Variants in SRPK2 observed in about 807,000 individuals in gnomAD.
SRPK2 encodes the protein SRSF protein kinase 2.
Under a neutral mutation model 90.8 loss-of-function variants are expected in SRPK2, and 21 were observed. That is an observed-to-expected ratio of 0.23 (90% CI 0.16 to 0.33). The LOEUF is 0.33. Ranked by LOEUF, SRPK2 falls within the 10% of genes least tolerant of loss-of-function variation. The pLI, the probability that SRPK2 is intolerant of heterozygous loss-of-function variation, is 1.00. For synonymous variants in SRPK2, 288 were observed against 311.1 expected (o/e 0.93, Z 0.78); for missense variants, 620 against 869.0 (o/e 0.71, Z 3.60).
intron 2 of SRPK2, among the ~76,000 whole-genome samples, chr7:105,317,722 T>C (rs1407157008): frequency 6.6e-6 from 1 of 152,180 alleles, no homozygotes; most frequent in Non-Finnish European, 1.5e-5. Flanking sequence ...TTCAAAAATG[T>C]CCAACAATGT....
chr7:105,398,108 A>G (rs1021375577), intron 1 of SRPK2, among the ~76,000 whole-genome samples: 7 of 152,218 alleles, frequency 4.6e-5, no homozygotes, highest in Non-Finnish European at 8.8e-5. Flanking sequence ...TGGTCTCCAT[A>G]GCAGTCCAAA....
At chr7:105,319,772 A>G (rs1812730264) in intron 2 of SRPK2, among the ~76,000 whole-genome samples, 2 of 152,002 alleles carry the variant, frequency 1.3e-5, no homozygotes, top group Admixed American at 1.3e-4. Context: ...GAGTGTTCAA[A>G]CTGTGTTCAG....
intron 2 of SRPK2, among the ~76,000 whole-genome samples, chr7:105,225,179 AAAACAAACAAAC>A (rs140524692): frequency 4.0e-5 from 6 of 151,526 alleles, no homozygotes; most frequent in African/African-American, 9.7e-5. Context: ...CTCTCTCTTT[AAAACAAACAAAC>A]AAACAAACAA....
chr7:105,243,174 T>G (rs1202032161), intron 2 of SRPK2, among the ~76,000 whole-genome samples: 1 of 152,068 alleles, frequency 6.6e-6, no homozygotes, highest in Non-Finnish European at 1.5e-5. Context: ...CCTTTTTCTT[T>G]TATTATCTGG....
chr7:105,160,563 T>C lies in SRPK2; in HGVS notation c.565A>G (p.Ile189Val). The C allele has an allele frequency of 1.9e-6, 3 of 1,614,000 alleles. No individual in the cohort carries two copies. The highest frequency in any genetic ancestry group is 2.5e-6 in the Non-Finnish European group (3 of 1,179,842). The change falls in exon 7 of 16, where the codon ATC becomes GTC. Residue 189 changes from isoleucine (I) to valine (V), a missense_variant. Around this residue, in one of 8 missense-constraint regions of SRPK2, gnomAD observed 196 missense variants for 339.2 expected, o/e 0.58. Transcript: ENST00000393651. ...GGGAGGCCTTGATAGTTGGATTTGA[T>C]GATCCACTTGAGGAGATGGTGGCCA... ...VLGHHLLKWI[I>V]KSNYQGLPVR...
chr7:105,263,226 G>C (rs1804562584), intron 2 of SRPK2, among the ~76,000 whole-genome samples: 1 of 152,224 alleles, frequency 6.6e-6, no homozygotes, highest in Middle Eastern at 3.4e-3. Context: ...TGGAGGCTGA[G>C]GCAGGAAAAT....
intron 15 of SRPK2, among the ~76,000 whole-genome samples, chr7:105,123,347 C>T (rs192689828): frequency 6.6e-6 from 1 of 152,130 alleles, no homozygotes; most frequent in East Asian, 1.9e-4. Context: ...ACACACAGAC[C>T]CCACTCTTCT....
chr7:105,251,979 T>C (rs961655503), intron 2 of SRPK2, among the ~76,000 whole-genome samples: 6 of 152,246 alleles, frequency 3.9e-5, no homozygotes, highest in African/African-American at 1.4e-4. Context: ...AGAGTTCGTC[T>C]ATATTAATTT....
At chr7:105,146,086 GA>G (rs1454900534) in intron 8 of SRPK2, among the ~76,000 whole-genome samples, 1 of 152,092 alleles carries the variant, frequency 6.6e-6, no homozygotes, top group African/African-American at 2.4e-5. Context: ...CAAATCTGTT[GA>G]TACAACTCAG....
intron 2 of SRPK2, among the ~76,000 whole-genome samples, chr7:105,330,941 C>T (rs1482544315): frequency 6.6e-6 from 1 of 152,062 alleles, no homozygotes; most frequent in African/African-American, 2.4e-5. Flanking sequence ...CTACAGTGAG[C>T]TGTGATTCTG....
intron 3 of SRPK2, among the ~76,000 whole-genome samples, chr7:105,184,106 G>C (rs1383987814): frequency 1.3e-5 from 2 of 150,322 alleles, no homozygotes; most frequent in Non-Finnish European, 3.0e-5. Flanking sequence ...CTCCGGAGTA[G>C]CTGGGAGTAC....
intron 2 of SRPK2, among the ~76,000 whole-genome samples, chr7:105,235,468 G>T (rs1046684006): frequency 2.6e-5 from 4 of 151,964 alleles, no homozygotes. Context: ...GATTGTGTGT[G>T]TGTGTGTGTG....
chr7:105,157,288 T>A (rs1160207696), intron 7 of SRPK2, among the ~76,000 whole-genome samples: 1 of 152,172 alleles, frequency 6.6e-6, no homozygotes, highest in Non-Finnish European at 1.5e-5. Context: ...TGGTCGGTTA[T>A]CCATGACTCT....
intron 2 of SRPK2, among the ~76,000 whole-genome samples, chr7:105,305,319 AC>A (rs1811022876): frequency 6.6e-6 from 1 of 151,974 alleles, no homozygotes; most frequent in African/African-American, 2.4e-5. Context: ...GGTGGTGGGC[AC>A]CTGTAATCCC....
intron 2 of SRPK2, among the ~76,000 whole-genome samples, chr7:105,249,737 C>G (rs1802222771): frequency 6.6e-6 from 1 of 152,084 alleles, no homozygotes. Flanking sequence ...CTATATATGT[C>G]TGGTCAAAAT....
At chr7:105,224,290 A>C (rs1271186251) in intron 2 of SRPK2, among the ~76,000 whole-genome samples, 1 of 152,106 alleles carries the variant, frequency 6.6e-6, no homozygotes, top group Non-Finnish European at 1.5e-5. Context: ...TACTGTTAGG[A>C]ATTCAGAATC....
intron 3 of SRPK2, among the ~76,000 whole-genome samples, chr7:105,198,687 GA>G (rs1193508480): frequency 6.6e-6 from 1 of 152,104 alleles, no homozygotes; most frequent in African/African-American, 2.4e-5. Flanking sequence ...GACAGAAGAA[GA>G]GTGAAACTCA....
chr7:105,316,165 C>T (rs996559960), intron 2 of SRPK2, among the ~76,000 whole-genome samples: 4 of 151,792 alleles, frequency 2.6e-5, no homozygotes, highest in Non-Finnish European at 4.4e-5. Flanking sequence ...GCTGGGATTA[C>T]GGGCACCCGC....
At chr7:105,281,763 C>T (rs1807374628) in intron 2 of SRPK2, among the ~76,000 whole-genome samples, 1 of 151,110 alleles carries the variant, frequency 6.6e-6, no homozygotes, top group Non-Finnish European at 1.5e-5. Context: ...CAAGGAAGTA[C>T]AAGGCTTGTA....
Sources: gnomAD v4.1 joint callset for allele counts (sites outside exome capture counted in the v4.1 genomes callset) on GRCh38, gnomAD v4.1.1 for gene constraint, gnomAD v4.1.1 regional missense constraint, MANE v1.5 for transcripts, NCBI Gene and HGNC (gene_info 2026-07-23, HGNC 2026-07-21) for gene names.